Variants in MTMR12 observed in about 807,000 individuals in gnomAD.
The protein encoded by MTMR12 is myotubularin-related protein 12.
A neutral mutation model predicts 96.7 loss-of-function variants in MTMR12; 33 were observed. The ratio of observed to expected loss-of-function variants is 0.34; its 90% CI spans 0.26 to 0.46. The LOEUF is 0.46. Ranked by LOEUF, MTMR12 falls within the 20% of genes least tolerant of loss-of-function variation. The pLI is 1.00. For missense variants in MTMR12, 721 were observed against 896.1 expected (o/e 0.80, Z 2.49); for synonymous variants, 298 against 327.2 (o/e 0.91, Z 0.96).
intron 6 of MTMR12, among the ~76,000 whole-genome samples, chr5:32,267,056 G>T (rs931592178): frequency 6.6e-6 from 1 of 151,870 alleles, no homozygotes; most frequent in Admixed American, 6.6e-5. Context: ...CTCTAGCCTG[G>T]GCAACAGAGC....
At chr5:32,251,361 G>A (rs991003699) in intron 8 of MTMR12, among the ~76,000 whole-genome samples, 5 of 152,202 alleles carry the variant, frequency 3.3e-5, no homozygotes, top group Non-Finnish European at 1.5e-5. Flanking sequence ...TCTACAGTCT[G>A]AGGCAGAAGG....
intron 3 of MTMR12, among the ~76,000 whole-genome samples, chr5:32,272,992 T>C (rs900246158): frequency 6.6e-6 from 1 of 152,158 alleles, no homozygotes; most frequent in African/African-American, 2.4e-5. Flanking sequence ...TGGTTGGGTT[T>C]CCACTAACAT....
rs151176083 is a variant in MTMR12 at position 32,243,825 on chromosome 5, T to G, written c.1022-226A>C. Among the ~76,000 whole-genome samples the G allele has an allele frequency of 9.8e-4, 150 of 152,322 alleles. 1 individual carries two copies. Among genetic ancestry groups the G allele is most frequent in the African/African-American group, 3.4e-3 (143 of 41,570 alleles). Reference sequence around the variant, plus strand: ...GATTGTGGTGGTCAAAAAGAGATCTTTATTGCTGAAATAAGAAATTCCTAC... The same window carrying G: ...GATTGTGGTGGTCAAAAAGAGATCTGTATTGCTGAAATAAGAAATTCCTAC... On this transcript the variant is annotated intron_variant, in intron 10 of 15. Transcript: ENST00000382142.
At chr5:32,299,501 G>C (rs1751052490) in intron 1 of MTMR12, among the ~76,000 whole-genome samples, 1 of 152,218 alleles carries the variant, frequency 6.6e-6, no homozygotes, top group Non-Finnish European at 1.5e-5. Context: ...GAGACACATG[G>C]CATTGCCATC....
intron 1 of MTMR12, among the ~76,000 whole-genome samples, chr5:32,281,501 C>G (rs570862176): frequency 2.6e-5 from 4 of 152,300 alleles, no homozygotes; most frequent in African/African-American, 9.6e-5. Context: ...TATCTTCTAG[C>G]AGCACACCAT....
At chr5:32,266,814 T>C (rs1043205258) in intron 6 of MTMR12, among the ~76,000 whole-genome samples, 1 of 151,804 alleles carries the variant, frequency 6.6e-6, no homozygotes, top group Non-Finnish European at 1.5e-5. Flanking sequence ...GCGAGCTGGC[T>C]CATACCTGTA....
chr5:32,304,171 T>C (rs1358688284), intron 1 of MTMR12, among the ~76,000 whole-genome samples: 1 of 151,876 alleles, frequency 6.6e-6, no homozygotes, highest in Non-Finnish European at 1.5e-5. Context: ...AATGCAAAAA[T>C]CAGCCAGGCG....
In MTMR12 at chr5:32,311,032, C is replaced by A. The variant is rs144730416; in HGVS notation, c.81+1726G>T. ...GGGATTACAGGTGCGCACCACCATG[C>A]CTGGCTAATTTTAGGGTTTCACCAT... is the stretch of plus-strand genomic sequence containing the variant. On this transcript the variant is annotated intron_variant, in intron 1 of 15. Coordinates refer to ENST00000382142, the MANE Select transcript of MTMR12 (RefSeq NM_001040446.3). 9.2e-5 allele frequency among the ~76,000 whole-genome samples: 14 copies of A among 152,142 alleles called. 1 individual carries two copies. In the East Asian group the frequency reaches 1.4e-3, roughly 15 times the overall value.
At chr5:32,234,642 T>G (rs1748134464) in intron 14 of MTMR12, 1 of 172,544 alleles carries the variant, frequency 5.8e-6, no homozygotes, top group South Asian at 1.9e-4. Context: ...ATCCTTTTTT[T>G]GCCTCAGCTT....
In MTMR12 at chr5:32,233,153, G is replaced by T; in HGVS notation, c.1674+620C>A. ...CCCCTCCGGCCAAATCTGGCCTGGC[G>T]CCTGTTCTCGTAAACACTGGAACAC... is the stretch of plus-strand genomic sequence containing the variant. On this transcript the variant is annotated intron_variant, in intron 15 of 15. Transcript: ENST00000382142. The surrounding 1 kb of genome is among the most constrained non-coding windows in gnomAD (Gnocchi z 5.0). 1 of 276,012 alleles carries T rather than the reference G, an allele frequency of 3.6e-6. No individual in the cohort carries two copies. The highest frequency in any genetic ancestry group is 1.4e-4 in the South Asian group (1 of 7,212). 17.1% of individuals were successfully genotyped at this position (276,012 alleles called of 1,614,324 possible). A position where few individuals can be genotyped will look rare whatever the true frequency, so the allele number is the denominator to read the frequency against.
At chr5:32,301,656 C>T (rs1751146212) in intron 1 of MTMR12, among the ~76,000 whole-genome samples, 2 of 152,236 alleles carry the variant, frequency 1.3e-5, no homozygotes, top group East Asian at 1.9e-4. Flanking sequence ...TTTGGGGGGC[C>T]GAGGTGGGTG....
chr5:32,288,710 G>C (rs907582401), intron 1 of MTMR12, among the ~76,000 whole-genome samples: 2 of 152,108 alleles, frequency 1.3e-5, no homozygotes, highest in African/African-American at 2.4e-5. Flanking sequence ...GTTGCAGCTC[G>C]GGGAGTTAAA....
intron 4 of MTMR12, 100 bp from the exon 5 acceptor site, chr5:32,271,047 C>G: frequency 7.4e-7 from 1 of 1,343,752 alleles, no homozygotes; most frequent in Non-Finnish European, 1.0e-6. Flanking sequence ...GGGATACTTC[C>G]CAAGAATGAG....
chr5:32,239,399 G>A (rs1040965719), intron 12 of MTMR12, among the ~76,000 whole-genome samples: 4 of 152,198 alleles, frequency 2.6e-5, no homozygotes, highest in Admixed American at 2.0e-4. Context: ...TCTGGCATAC[G>A]CTGGTACTAA....
At chr5:32,254,609 G>A (rs952022987) in intron 8 of MTMR12, among the ~76,000 whole-genome samples, 4 of 141,974 alleles carry the variant, frequency 2.8e-5, no homozygotes, top group African/African-American at 5.2e-5. Context: ...TTGGGAGGCC[G>A]AGGCGGGTGG....
In MTMR12 at chr5:32,243,553, C is replaced by A. The variant is rs754234341; in HGVS notation, c.1068G>T (p.Leu356=). Residue 356 remains leucine (L), a synonymous_variant, in exon 11 of 16, where the codon CTG becomes CTT. Transcript: ENST00000382142. ...FWDTDIKWFS[L]LESSSWLDII... Reference sequence around the variant, plus strand: ...TGTCAAGCCAGCTGCTACTTTCCAACAGAGAAAACCATTTTATATCTGTGT... The same window carrying A: ...TGTCAAGCCAGCTGCTACTTTCCAAAAGAGAAAACCATTTTATATCTGTGT... 1.2e-6 allele frequency: 2 copies of A among 1,612,406 alleles called. No homozygotes were observed. Among genetic ancestry groups the A allele is most frequent in the East Asian group, 2.2e-5 (1 of 44,856 alleles).
intron 1 of MTMR12, among the ~76,000 whole-genome samples, chr5:32,303,623 G>C (rs955285758): frequency 6.6e-6 from 1 of 152,068 alleles, no homozygotes; most frequent in Non-Finnish European, 1.5e-5. Flanking sequence ...CATGGTGCTA[G>C]GCTGAGACAA....
chr5:32,302,632 G>A (rs567397353), intron 1 of MTMR12, among the ~76,000 whole-genome samples: 3 of 151,614 alleles, frequency 2.0e-5, no homozygotes, highest in East Asian at 3.9e-4. Context: ...CAGGCGAATC[G>A]CTTGAACCCG....
intron 1 of MTMR12, among the ~76,000 whole-genome samples, chr5:32,295,771 C>A (rs957951146): frequency 6.6e-6 from 1 of 152,138 alleles, no homozygotes; most frequent in African/African-American, 2.4e-5. Context: ...AACCCAGGTT[C>A]ACAGAACTAA....
Sources: gnomAD v4.1 joint callset for allele counts (sites outside exome capture counted in the v4.1 genomes callset) on GRCh38, gnomAD v4.1.1 for gene constraint, Gnocchi (gnomAD v3.1) non-coding constraint, MANE v1.5 for transcripts, NCBI Gene and HGNC (gene_info 2026-07-23, HGNC 2026-07-21) for gene names.